The following SUPT6H variants were observed in gnomAD, a reference collection of about 807,000 sequenced individuals.
The protein encoded by SUPT6H is transcription elongation factor SPT6.
In SUPT6H, 11 loss-of-function variants were observed where a neutral mutation model predicts 222.3. That is an observed-to-expected ratio of 0.05 (90% confidence interval 0.03 to 0.08). The LOEUF (loss-of-function observed/expected upper bound fraction) is 0.08. Ranked by LOEUF, SUPT6H falls within the 10% of genes least tolerant of loss-of-function variation. The pLI, the probability that SUPT6H is intolerant of heterozygous loss-of-function variation, is 1.00. For synonymous variants in SUPT6H, 762 were observed against 801.2 expected, an observed-to-expected ratio of 0.95 and a Z score of 0.83; for missense variants, 1,422 against 2,216.0, an observed-to-expected ratio of 0.64 and a Z score of 7.19.
intron 12 of SUPT6H, 39 bp from the exon 13 acceptor site, chr17:28,681,843 G>A (rs769704717): frequency 4.5e-6 from 7 of 1,559,394 alleles, no homozygotes; most frequent in Non-Finnish European, 5.2e-6. Flanking sequence ...GGAGTGATTG[G>A]AAACTAGAAC....
chr17:28,684,768 C>T, intron 18 of SUPT6H, 43 bp downstream of exon 18: 1 of 1,612,974 alleles, frequency 6.2e-7, no homozygotes, highest in Non-Finnish European at 8.5e-7. Flanking sequence ...CTCTTGTCTT[C>T]CTAATTTCAT....
chr17:28,689,324 T>C (rs1333409487), intron 24 of SUPT6H, 30 bp from the exon 25 acceptor site: 2 of 1,611,188 alleles, frequency 1.2e-6, no homozygotes, highest in Non-Finnish European at 1.7e-6. Flanking sequence ...TATCGTTCTA[T>C]ATCCTGTTCC....
rs150825767 is a variant in SUPT6H, at chr17:28,676,405, C to T, written c.872C>T (p.Ala291Val). The change falls in exon 7 of 37, where the codon GCC becomes GTC. Residue 291 changes from alanine to valine, a missense_variant. Around this residue, in one of 13 missense-constraint regions of SUPT6H, gnomAD observed 389 missense variants for 544.6 expected, o/e 0.71. Transcript: ENST00000314616. ...HLTDQDNEIR[A>V]TDLPERFQLR... ...ACAGATCAGGACAATGAAATCCGAG[C>T]CACTGACCTGCCTGAGAGGTTCCAG... 6.2e-7 allele frequency: 1 copy of T among 1,613,894 alleles called. No homozygotes were observed. The highest frequency in any genetic ancestry group is 8.5e-7 in the Non-Finnish European group (1 of 1,180,010).
At chr17:28,689,642 C>A in intron 25 of SUPT6H, 81 bp downstream of exon 25, 1 of 1,312,512 alleles carries the variant, frequency 7.6e-7, no homozygotes, top group Non-Finnish European at 1.1e-6. Flanking sequence ...AGTGAGTGTG[C>A]AGAGAAAGCC....
intron 32 of SUPT6H, 75 bp from the exon 33 acceptor site, chr17:28,699,706 G>T: frequency 8.2e-7 from 1 of 1,213,256 alleles, no homozygotes; most frequent in South Asian, 1.2e-5. Flanking sequence ...ACTTCACATG[G>T]TGGGCATCTG....
At chr17:28,687,740 A>AC (rs2031458939) in intron 23 of SUPT6H, among the ~76,000 whole-genome samples, 1 of 151,564 alleles carries the variant, frequency 6.6e-6, no homozygotes, top group Non-Finnish European at 1.5e-5. Context: ...CTGGTCTCAA[A>AC]CTCCTGACCC....
intron 2 of SUPT6H, 50 bp downstream of exon 2, chr17:28,673,560 A>G (rs763113156): frequency 1.8e-5 from 25 of 1,378,786 alleles, no homozygotes; most frequent in Non-Finnish European, 2.5e-5. Flanking sequence ...TAAGCTTTGG[A>G]TAGTTGGATT....
chr17:28,681,742 A>T, intron 12 of SUPT6H, 140 bp from the exon 13 acceptor site: 1 of 724,692 alleles, frequency 1.4e-6, no homozygotes, highest in South Asian at 2.2e-5. Context: ...CAAGAAAGAA[A>T]ACCCAGGAGA....
intron 1 of SUPT6H, chr17:28,670,538 T>C (rs923742251): frequency 6.6e-6 from 1 of 152,168 alleles, no homozygotes; most frequent in Non-Finnish European, 1.5e-5. Context: ...ATAAAACGAT[T>C]TTATGGTCCT....
intron 19 of SUPT6H, among the ~76,000 whole-genome samples, chr17:28,685,642 CCTGT>C (rs1197266284): frequency 1.3e-5 from 2 of 152,062 alleles, no homozygotes; most frequent in Non-Finnish European, 2.9e-5. Context: ...CACCACCACG[CCTGT>C]CTAATTTTTG....
intron 19 of SUPT6H, among the ~76,000 whole-genome samples, chr17:28,685,309 C>CT (rs1157416377): frequency 6.6e-6 from 1 of 152,026 alleles, no homozygotes; most frequent in Non-Finnish European, 1.5e-5. Flanking sequence ...TTCAGGGTGT[C>CT]TTTTTTCCAG....
intron 27 of SUPT6H, among the ~76,000 whole-genome samples, chr17:28,693,215 C>T (rs2031753336): frequency 6.6e-6 from 1 of 151,954 alleles, no homozygotes; most frequent in Non-Finnish European, 1.5e-5. Context: ...AATCCCAGCA[C>T]TTTGGGAGGC....
rs1336340456 is a variant in SUPT6H at position 28,667,407 on chromosome 17, A to ATATG, written c.-32+5068_-32+5069insGTAT. Among the ~76,000 whole-genome samples the ATATG allele has an allele frequency of 2.1e-4, 16 of 75,316 alleles. No homozygotes were observed. The South Asian group carries it at 6.5e-3, about 31-fold the overall frequency. 49.4% of individuals were successfully genotyped at this position (75,316 alleles called of 152,430 possible). On this transcript the variant is annotated intron_variant, in intron 1 of 36. Coordinates refer to ENST00000314616, the MANE Select transcript of SUPT6H (RefSeq NM_003170.5). Reference sequence around the variant, plus strand: ...AAAAAAAAAAAAAGTGTGTGTGTGTATATATATATATATATATATATATAT... The same window carrying ATATG: ...AAAAAAAAAAAAAGTGTGTGTGTGTATATGTATATATATATATATATATATATAT...
rs1212147771 is a variant in SUPT6H, at chr17:28,701,003, C to T, written c.4869C>T (p.Tyr1623=). ...CACTAATGACCCCTAGCTACTCCTA[C>T]ACGACCCCAAGCCAGCCCATCACCA... The part of the protein sequence containing the change: ...ATPLMTPSYS[Y]TTPSQPITTP... The change falls in exon 36 of 37, where the codon TAC becomes TAT. Residue 1623 remains tyrosine (Y), a synonymous_variant. Transcript: ENST00000314616. 2 of 1,614,172 alleles carry T rather than the reference C, an allele frequency of 1.2e-6. No homozygotes were observed. Among genetic ancestry groups the T allele is most frequent in the South Asian group, 2.2e-5 (2 of 91,086 alleles).
chr17:28,689,276 T>G, intron 24 of SUPT6H, 78 bp from the exon 25 acceptor site: 1 of 1,371,430 alleles, frequency 7.3e-7, no homozygotes, highest in Non-Finnish European at 1.0e-6. Flanking sequence ...ATTTAACCAG[T>G]TCCCCATTGG....
chr17:28,683,229 C>G, intron 15 of SUPT6H, 39 bp from the exon 16 acceptor site: 1 of 1,606,340 alleles, frequency 6.2e-7, no homozygotes, highest in Non-Finnish European at 8.5e-7. Flanking sequence ...CCTGGCCCAG[C>G]CCATCCGCAG....
At chr17:28,667,164 G>C (rs906977038) in intron 1 of SUPT6H, among the ~76,000 whole-genome samples, 1 of 148,082 alleles carries the variant, frequency 6.8e-6, no homozygotes, top group Non-Finnish European at 1.5e-5. Flanking sequence ...AGGAGATTGA[G>C]ACTATCCTGG....
intron 33 of SUPT6H, 79 bp from the exon 34 acceptor site, chr17:28,700,094 A>G: frequency 6.3e-7 from 1 of 1,593,368 alleles, no homozygotes; most frequent in Non-Finnish European, 8.6e-7. Flanking sequence ...TACCTACTTC[A>G]GTGCCCCTTC....
chr17:28,669,576 G>A (rs1345541522), intron 1 of SUPT6H, among the ~76,000 whole-genome samples: 1 of 152,210 alleles, frequency 6.6e-6, no homozygotes, highest in East Asian at 1.9e-4. Context: ...GGTCGAGGCA[G>A]GTGGATCACT....
Sources: allele counts gnomAD v4.1 joint callset (sites outside exome capture counted in the v4.1 genomes callset), GRCh38; gene constraint gnomAD v4.1.1; regional missense constraint gnomAD v4.1.1; transcripts MANE v1.5; gene names NCBI Gene and HGNC (gene_info 2026-07-23, HGNC 2026-07-21).